Variants in STAU2 observed in about 807,000 individuals in gnomAD.
STAU2 encodes the protein staufen double-stranded RNA binding protein 2, also known as double-stranded RNA-binding protein Staufen homolog 2.
STAU2 carries 20 observed loss-of-function variants against 65.9 expected under a neutral mutation model. The ratio of observed to expected loss-of-function variants is 0.30; its 90% CI spans 0.21 to 0.44. The LOEUF (loss-of-function observed/expected upper bound fraction) is 0.44, where lower values mean the gene tolerates loss of function less well. Ranked by LOEUF, STAU2 falls within the 20% of genes least tolerant of loss-of-function variation. The pLI is 1.00. For missense variants in STAU2, 558 were observed against 683.9 expected, an observed-to-expected ratio of 0.82 and a Z score of 2.05; for synonymous variants, 232 against 233.9, an observed-to-expected ratio of 0.99 and a Z score of 0.07.
intron 13 of STAU2, among the ~76,000 whole-genome samples, chr8:73,506,179 T>C (rs1438925454): frequency 6.6e-6 from 1 of 152,188 alleles, no homozygotes; most frequent in Non-Finnish European, 1.5e-5. Flanking sequence ...CCATTGTGAG[T>C]AGTTTTAGTA....
At chr8:73,546,148 G>GTTCT (rs1563412799) in intron 13 of STAU2, among the ~76,000 whole-genome samples, 1 of 116,462 alleles carries the variant, frequency 8.6e-6, no homozygotes, top group Non-Finnish European at 1.6e-5. Flanking sequence ...TTTTTTTTTG[G>GTTCT]TAGAGACAGA....
intron 4 of STAU2, among the ~76,000 whole-genome samples, chr8:73,700,265 C>T (rs1426817258): frequency 1.3e-5 from 2 of 151,998 alleles, no homozygotes; most frequent in African/African-American, 2.4e-5. Context: ...TGTAACACAA[C>T]AAAGATGCCC....
At chr8:73,678,472 A>G (rs115919442) in intron 5 of STAU2, among the ~76,000 whole-genome samples, 1,696 of 152,122 alleles carry the variant, frequency 0.011, 24 homozygotes, top group African/African-American at 0.038. Flanking sequence ...ATAACTGCCT[A>G]CTTTTCGGTC....
intron 5 of STAU2, among the ~76,000 whole-genome samples, chr8:73,686,862 T>TGGTTTGCGGAATTTGTGATGG (rs1213189979): frequency 6.6e-6 from 1 of 150,394 alleles, no homozygotes; most frequent in Non-Finnish European, 1.5e-5. Context: ...TACATGCAGG[T>TGGTTTGCGGAATTTGTGATGG]GGTTTGCGGA....
At chr8:73,675,084 T>C (rs988322709) in intron 5 of STAU2, among the ~76,000 whole-genome samples, 5 of 151,582 alleles carry the variant, frequency 3.3e-5, no homozygotes, top group Admixed American at 2.6e-4. Flanking sequence ...ATCAAAATTA[T>C]ATCAACTACT....
At chr8:73,573,981 G>A (rs1470034656) in intron 12 of STAU2, among the ~76,000 whole-genome samples, 2 of 152,044 alleles carry the variant, frequency 1.3e-5, no homozygotes, top group Non-Finnish European at 2.9e-5. Context: ...TACAGAATAG[G>A]AGAAAATTTT....
intron 13 of STAU2, among the ~76,000 whole-genome samples, chr8:73,535,435 C>T (rs1198114147): frequency 6.6e-6 from 1 of 152,214 alleles, no homozygotes; most frequent in Admixed American, 6.5e-5. Flanking sequence ...TCCCAAAGTG[C>T]TGGGATTACA....
chr8:73,607,248 T>C (rs929949923), intron 9 of STAU2, among the ~76,000 whole-genome samples: 2 of 151,826 alleles, frequency 1.3e-5, no homozygotes, highest in African/African-American at 4.8e-5. Context: ...ACAAAACTAG[T>C]GATAGAGGTT....
intron 13 of STAU2, among the ~76,000 whole-genome samples, chr8:73,454,102 C>G (rs1316582404): frequency 6.6e-6 from 1 of 152,072 alleles, no homozygotes; most frequent in African/African-American, 2.4e-5. Flanking sequence ...ATTAGTTATC[C>G]TTAATGAATA....
At chr8:73,687,318 T>TTTATAA (rs1491163383) in intron 5 of STAU2, among the ~76,000 whole-genome samples, 9 of 119,166 alleles carry the variant, frequency 7.6e-5, no homozygotes, top group African/African-American at 2.1e-4. Context: ...ATAATTTATA[T>TTTATAA]TTATATTTAT....
intron 7 of STAU2, 128 bp downstream of exon 7, chr8:73,617,164 G>A: frequency 8.8e-7 from 1 of 1,141,996 alleles, no homozygotes; most frequent in Non-Finnish European, 1.2e-6. Flanking sequence ...CATGAAGCAA[G>A]ACTGTCAGGT....
intron 9 of STAU2, among the ~76,000 whole-genome samples, chr8:73,605,261 AAC>A (rs1563452651): frequency 4.0e-5 from 6 of 151,782 alleles, no homozygotes; most frequent in Non-Finnish European, 8.8e-5. Flanking sequence ...CAGAAGACTC[AAC>A]AATAAGATGT....
At chr8:73,585,309 C>T (rs1400347609) in intron 11 of STAU2, among the ~76,000 whole-genome samples, 3 of 152,142 alleles carry the variant, frequency 2.0e-5, no homozygotes, top group Admixed American at 6.5e-5. Flanking sequence ...GGAGAAACCC[C>T]GTCTCTACTA....
chr8:73,715,038 G>A (rs145985487), intron 3 of STAU2, among the ~76,000 whole-genome samples: 22 of 142,980 alleles, frequency 1.5e-4, no homozygotes, highest in East Asian at 6.3e-4. Context: ...AACCAAGATC[G>A]CACCACTGCA....
In STAU2 at chr8:73,529,314, C is replaced by T. The variant is rs907762390; in HGVS notation, c.1530+22698G>A. Among the ~76,000 whole-genome samples the T allele has an allele frequency of 5.3e-5, 8 of 152,160 alleles. No homozygotes were observed. The East Asian group carries it at 1.3e-3, about 26-fold the overall frequency. ...TTATGTAAAAGCCAATAAATGCTGGCACTAAAATAATAGCAACAGTTCACA... is the reference window on the plus strand; with the variant it reads ...TTATGTAAAAGCCAATAAATGCTGGTACTAAAATAATAGCAACAGTTCACA... On this transcript the variant is annotated intron_variant, in intron 13 of 14. Transcript: ENST00000524300.
chr8:73,693,336 G>A (rs974428936), intron 4 of STAU2, among the ~76,000 whole-genome samples: 2 of 152,012 alleles, frequency 1.3e-5, no homozygotes, highest in East Asian at 3.9e-4. Flanking sequence ...TTAGCCGGGC[G>A]TGGTAGCAGG....
intron 12 of STAU2, among the ~76,000 whole-genome samples, chr8:73,566,827 G>A (rs943557360): frequency 1.1e-4 from 16 of 152,182 alleles, no homozygotes; most frequent in African/African-American, 3.4e-4. Flanking sequence ...TAAAGGATCT[G>A]TCTTTCAGAC....
rs28689995 is a variant in STAU2 at position 73,693,110 on chromosome 8, A to G, written c.115-4297T>C. On this transcript the variant is annotated intron_variant, in intron 4 of 14. Transcript: ENST00000524300. ...CAGGAGATGAACGCTGCAGTGAGCT[A>G]TGACTGCACAACTGCACTCCAGCCT... 8.3e-3 allele frequency among the ~76,000 whole-genome samples: 1,265 copies of G among 152,168 alleles called. 17 individuals carry two copies. The highest frequency in any genetic ancestry group is 0.026 in the African/African-American group (1,095 of 41,532).
chr8:73,425,111 T>C (rs1221950557), intron 13 of STAU2, among the ~76,000 whole-genome samples: 1 of 152,174 alleles, frequency 6.6e-6, no homozygotes, highest in Non-Finnish European at 1.5e-5. Flanking sequence ...GATACTGTTA[T>C]AGGTCGAATT....
Sources: allele counts gnomAD v4.1 joint callset (sites outside exome capture counted in the v4.1 genomes callset), GRCh38; gene constraint gnomAD v4.1.1; transcripts MANE v1.5; gene names NCBI Gene and HGNC (gene_info 2026-07-23, HGNC 2026-07-21).